The following SYCP2 variants were observed in gnomAD, a reference collection of about 807,000 sequenced individuals.
SYCP2 encodes the protein synaptonemal complex protein 2, also known as synaptonemal complex lateral element protein.
Under a neutral mutation model 211.3 loss-of-function variants are expected in SYCP2, and 55 were observed. That is an observed-to-expected ratio of 0.26 (90% CI 0.21 to 0.33). SYCP2 has a LOEUF of 0.33. SYCP2 is among the 10% of genes least tolerant of loss of function. The pLI is 1.00. For missense variants in SYCP2, 1,731 were observed against 1,752.0 expected (o/e 0.99, Z 0.21); for synonymous variants, 570 against 555.2 (o/e 1.03, Z -0.37).
Position 59,864,277 on chromosome 20 carries a change from T to C in SYCP2, c.*34A>G, listed in dbSNP as rs1281646825. On this transcript the variant is annotated 3_prime_UTR_variant, in exon 45 of 45. Coordinates refer to ENST00000357552, the MANE Select transcript of SYCP2 (RefSeq NM_014258.4). ...TTCCTCAGTTATATACAGAGAATAA[T>C]AATTAGATAAAGTATGGTGATAAAA... The C allele has an allele frequency of 7.2e-7, 1 of 1,391,604 alleles. No individual in the cohort carries two copies. The highest frequency in any genetic ancestry group is 1.0e-6 in the Non-Finnish European group (1 of 997,090). The allele number at this position is 1,391,604 out of a possible 1,614,324, so 86.2% of individuals were successfully genotyped here.
chr20:59,865,895 C>A, intron 41 of SYCP2, 30 bp from the exon 42 acceptor site: 3 of 1,007,136 alleles, frequency 3.0e-6, no homozygotes, highest in Non-Finnish European at 4.2e-6. Flanking sequence ...TTTATTTAGT[C>A]CTAAATATTT....
chr20:59,909,498 TC>T (rs774474326), intron 14 of SYCP2, among the ~76,000 whole-genome samples: 1 of 152,218 alleles, frequency 6.6e-6, no homozygotes, highest in Non-Finnish European at 1.5e-5. Context: ...TTATCCATTC[TC>T]CCCAGTCTAT....
intron 35 of SYCP2, among the ~76,000 whole-genome samples, chr20:59,871,378 G>T (rs1568908041): frequency 6.6e-6 from 1 of 151,762 alleles, no homozygotes; most frequent in Non-Finnish European, 1.5e-5. Context: ...TGTTGAGAGT[G>T]TAAGTAGGTT....
At chr20:59,870,992 T>C (rs1043580339) in intron 35 of SYCP2, among the ~76,000 whole-genome samples, 2 of 151,882 alleles carry the variant, frequency 1.3e-5, no homozygotes, top group Non-Finnish European at 2.9e-5. Flanking sequence ...GGGGAAGATT[T>C]CTTAAACAAC....
At chr20:59,910,537 C>G (rs958932730) in intron 14 of SYCP2, among the ~76,000 whole-genome samples, 1 of 151,588 alleles carries the variant, frequency 6.6e-6, no homozygotes, top group African/African-American at 2.4e-5. Flanking sequence ...CCTGCCACCA[C>G]GCCCAGCTTA....
At chr20:59,925,643 C>A (rs183982055) in intron 2 of SYCP2, among the ~76,000 whole-genome samples, 74 of 152,126 alleles carry the variant, frequency 4.9e-4, no homozygotes, top group Non-Finnish European at 9.0e-4. Context: ...TCAAAAGAGT[C>A]TATAACTCTG....
At chr20:59,914,279 T>G (rs1340060505) in intron 10 of SYCP2, 28 bp from the exon 11 acceptor site, 2 of 1,383,902 alleles carry the variant, frequency 1.4e-6, no homozygotes, top group South Asian at 1.4e-5. Context: ...AATGTTTGAT[T>G]TACAATTATG....
At chr20:59,925,346 T>C (rs1002250841) in intron 2 of SYCP2, among the ~76,000 whole-genome samples, 11 of 152,054 alleles carry the variant, frequency 7.2e-5, no homozygotes, top group African/African-American at 2.7e-4. Flanking sequence ...ATCTTGCACA[T>C]GTAGCCCAGA....
chr20:59,903,284 T>A (rs1287337960), intron 15 of SYCP2, among the ~76,000 whole-genome samples: 1 of 152,130 alleles, frequency 6.6e-6, no homozygotes, highest in African/African-American at 2.4e-5. Context: ...TGTTGCTTGC[T>A]ATAAAATCCA....
At chr20:59,896,314 CA>C in intron 19 of SYCP2, 114 bp downstream of exon 19, 1 of 582,974 alleles carries the variant, frequency 1.7e-6, no homozygotes, top group Admixed American at 3.2e-5. Flanking sequence ...CATATTTTAT[CA>C]ATTTTTATAC....
chr20:59,896,584 T>A, intron 18 of SYCP2, 56 bp from the exon 19 acceptor site: 1 of 904,740 alleles, frequency 1.1e-6, no homozygotes, highest in Non-Finnish European at 1.8e-6. Flanking sequence ...AAATTAAATA[T>A]CCTACAATTT....
intron 36 of SYCP2, 120 bp downstream of exon 36, chr20:59,869,678 C>A (rs2059413008): frequency 7.3e-6 from 4 of 546,822 alleles, no homozygotes; most frequent in Non-Finnish European, 1.3e-5. Context: ...ATCAGATTTT[C>A]AGGTAATAAC....
chr20:59,923,103 T>A (rs2060571326), intron 2 of SYCP2, among the ~76,000 whole-genome samples: 2 of 151,926 alleles, frequency 1.3e-5, no homozygotes, highest in Non-Finnish European at 2.9e-5. Flanking sequence ...TATTGCAATA[T>A]GGCTAATAGA....
rs1217438437 is a variant in SYCP2, at chr20:59,892,174, ACCGATTTAAAAGTAGTTT to A, written c.2162_2179del (p.Glu721_Ser726del). The A allele has an allele frequency of 6.2e-7, 1 of 1,612,524 alleles. No homozygotes were observed. The highest frequency in any genetic ancestry group is 8.5e-7 in the Non-Finnish European group (1 of 1,179,174). ...TTCTTCAATTGTCTTATTTAGGAGA[ACCGATTTAAAAGTAGTTT>A]CAGATTCAACAGGCCAATCACTCTG... On this transcript the variant is annotated inframe_deletion, in exon 24 of 45. Transcript: ENST00000357552.
At position 59,915,175 on chromosome 20, in the gene SYCP2, T is replaced by G; in HGVS notation, c.624A>C (p.Leu208Phe). Residue 208 changes from leucine (L) to phenylalanine (F), a missense_variant, in exon 10 of 45, where the codon TTA becomes TTC. By Grantham distance (22) the Leu-to-Phe change is conservative. Around this residue, in one of 3 missense-constraint regions of SYCP2, gnomAD observed 335 missense variants for 378.8 expected, o/e 0.88. Transcript: ENST00000357552. Reference protein sequence around the residue: ...ILMSSMGERILDAGDYDLQVG... With the variant: ...ILMSSMGERIFDAGDYDLQVG... The stretch of plus-strand genomic sequence containing the variant: ...AAAAGACATACTTACCTCCAGCATC[T>G]AAAATCCTTTCTCCCATACTACTCC... The G allele has an allele frequency of 6.3e-7, 1 of 1,578,038 alleles. No homozygotes were observed. The highest frequency in any genetic ancestry group is 8.7e-7 in the Non-Finnish European group (1 of 1,148,678).
chr20:59,897,790 A>G (rs949061560), intron 18 of SYCP2, among the ~76,000 whole-genome samples: 7 of 152,124 alleles, frequency 4.6e-5, no homozygotes, highest in African/African-American at 9.7e-5. Flanking sequence ...TCCACGAAGA[A>G]ATCAAAAAAT....
chr20:59,914,595 G>A (rs1344631947), intron 10 of SYCP2, among the ~76,000 whole-genome samples: 1 of 151,970 alleles, frequency 6.6e-6, no homozygotes, highest in Non-Finnish European at 1.5e-5. Flanking sequence ...TTTTCCTCTT[G>A]TGTAACATGT....
chr20:59,911,067 T>A (rs1196493664), intron 14 of SYCP2, among the ~76,000 whole-genome samples: 2 of 152,198 alleles, frequency 1.3e-5, no homozygotes, highest in Admixed American at 6.5e-5. Context: ...AAAGCCTTAT[T>A]ATAATATCAC....
In SYCP2 at chr20:59,880,293, A is replaced by G. The variant is rs1165605856; in HGVS notation, c.2941+10T>C. 6.4e-7 allele frequency: 1 copy of G among 1,556,176 alleles called. No homozygotes were observed. The highest frequency in any genetic ancestry group is 8.7e-7 in the Non-Finnish European group (1 of 1,144,180). ...CATTTGCAACATTTATCCAAAAGAT[A>G]ATTTCTTACTTGATTTTCCACTTTT... On this transcript the variant is annotated intron_variant, in intron 31 of 44. Transcript: ENST00000357552.
Sources: allele counts gnomAD v4.1 joint callset (sites outside exome capture counted in the v4.1 genomes callset), GRCh38; gene constraint gnomAD v4.1.1; regional missense constraint gnomAD v4.1.1; transcripts MANE v1.5; gene names NCBI Gene and HGNC (gene_info 2026-07-23, HGNC 2026-07-21).